RASGRF1: variants seen among roughly 807,000 people sequenced by gnomAD.
The protein encoded by RASGRF1 is Ras protein specific guanine nucleotide releasing factor 1.
RASGRF1 carries 40 observed loss-of-function variants against 138.7 expected under a neutral mutation model. That is an observed-to-expected ratio of 0.29 (90% CI 0.22 to 0.38). The LOEUF is 0.38. Among genes scored for constraint, RASGRF1 ranks in the 10% least tolerant of loss-of-function variants. The pLI, the probability that RASGRF1 is intolerant of heterozygous loss-of-function variation, is 1.00. For synonymous variants in RASGRF1, 614 were observed against 663.2 expected (o/e 0.93, Z 1.14); for missense variants, 1,108 against 1,650.4 (o/e 0.67, Z 5.69).
intron 16 of RASGRF1, 148 bp from the exon 17 acceptor site, chr15:79,000,061 T>C (rs2056487326): frequency 2.6e-6 from 2 of 766,874 alleles, no homozygotes; most frequent in Admixed American, 5.3e-5. Context: ...GGTGCTGGTG[T>C]GTGTGTGTGT....
chr15:78,980,733 G>A (rs943054465), intron 23 of RASGRF1, 34 bp from the exon 24 acceptor site: 1 of 1,500,992 alleles, frequency 6.7e-7, no homozygotes, highest in Admixed American at 1.7e-5. Context: ...CTAACACACA[G>A]CACACGCTGT....
At chr15:79,055,402 C>CAG (rs141262185) in intron 3 of RASGRF1, among the ~76,000 whole-genome samples, 16 of 151,310 alleles carry the variant, frequency 1.1e-4, no homozygotes, top group Non-Finnish European at 1.5e-4. Flanking sequence ...GAGAGAGAAA[C>CAG]AGAGAGAGAG....
intron 23 of RASGRF1, chr15:78,981,005 A>G: frequency 3.9e-6 from 1 of 255,900 alleles, no homozygotes; most frequent in Non-Finnish European, 7.4e-6. Flanking sequence ...GTTTAGAAGG[A>G]CTTAGTGGGT....
At chr15:78,966,080 C>A (rs1028491255) in intron 26 of RASGRF1, among the ~76,000 whole-genome samples, 1 of 152,070 alleles carries the variant, frequency 6.6e-6, no homozygotes, top group African/African-American at 2.4e-5. Context: ...CCATTCTGTA[C>A]CCCCAGTGGC....
At chr15:79,005,747 C>T (rs1313166615) in intron 14 of RASGRF1, 10 of 516,526 alleles carry the variant, frequency 1.9e-5, no homozygotes, top group Non-Finnish European at 2.2e-5. Context: ...CCCTCCCTCC[C>T]TTCCTTCCTT....
intron 3 of RASGRF1, among the ~76,000 whole-genome samples, chr15:79,052,856 G>A (rs774663837): frequency 7.2e-5 from 11 of 152,214 alleles, no homozygotes; most frequent in Non-Finnish European, 1.6e-4. Context: ...AGCAGGGAGG[G>A]TGGCCATGGA....
intron 5 of RASGRF1, among the ~76,000 whole-genome samples, chr15:79,043,270 G>A (rs1000385269): frequency 6.6e-6 from 1 of 152,122 alleles, no homozygotes; most frequent in Non-Finnish European, 1.5e-5. Context: ...TTGCTATTTT[G>A]TATATATGCA....
At chr15:79,019,787 C>T (rs187686471) in intron 11 of RASGRF1, among the ~76,000 whole-genome samples, 23 of 152,314 alleles carry the variant, frequency 1.5e-4, no homozygotes, top group African/African-American at 3.8e-4. Flanking sequence ...CATCACCTGC[C>T]GGGCTGGGAG....
At position 78,999,830 on chromosome 15, in the gene RASGRF1, C is replaced by T. The variant is rs199661393; in HGVS notation, c.2659G>A (p.Ala887Thr). The T allele has an allele frequency of 3.6e-5, 58 of 1,614,006 alleles. No individual in the cohort carries two copies. In the East Asian group the frequency reaches 3.8e-4, roughly 11 times the overall value. ...GCGGTTGCTATGGCAAAGGCAGAGG[C>T]GGCCGACAAGGCACTGCGGTTATTG... ...LDNNRSALSA[A>T]SAFAIATAGA... is the part of the protein sequence containing the mutation. Residue 887 changes from alanine to threonine, a missense_variant, in exon 17 of 27, where the codon GCC (alanine) becomes ACC (threonine). Around this residue, in one of 3 missense-constraint regions of RASGRF1, gnomAD observed 686 missense variants for 976.7 expected, o/e 0.70. Coordinates refer to ENST00000558480, the MANE Select transcript of RASGRF1 (RefSeq NM_001145648.3).
intron 10 of RASGRF1, 52 bp downstream of exon 10, chr15:79,025,262 C>T (rs1264690250): frequency 2.0e-6 from 3 of 1,530,350 alleles, no homozygotes; most frequent in Non-Finnish European, 1.8e-6. Context: ...CAGGACAGCG[C>T]CTGCATGACC....
Position 79,003,839 on chromosome 15 carries a change from A to C in RASGRF1, c.2412T>G (p.Pro804=), listed in dbSNP as rs370108262. The C allele has an allele frequency of 3.1e-6, 5 of 1,611,786 alleles. No individual in the cohort carries two copies. Among genetic ancestry groups the C allele is most frequent in the Middle Eastern group, 3.3e-4 (2 of 6,042 alleles). ...NKIPDEGDTT[P]EKPEDPSALS... ...GCGCTGAAGGGTCTTCGGGCTTCTC[A>C]GGGGTCGTATCGCCCTCATCTGGAA... The change falls in exon 15 of 27, where the codon CCT becomes CCG. Residue 804 remains proline, a synonymous_variant. Transcript: ENST00000558480.
chr15:78,990,000 C>T (rs1388594121), intron 22 of RASGRF1, 189 bp downstream of exon 22: 4 of 615,912 alleles, frequency 6.5e-6, no homozygotes, highest in South Asian at 3.9e-5. Context: ...GTCAGCCCCA[C>T]TTAATAGGAG....
rs1028043476 is a variant in RASGRF1 at position 79,005,530 on chromosome 15, G to A, written c.2075+656C>T. 23 of 985,712 alleles carry A rather than the reference G, an allele frequency of 2.3e-5. No homozygotes were observed. In the African/African-American group the frequency reaches 3.8e-4, roughly 16 times the overall value. The allele number at this position is 985,712 out of a possible 1,614,324, so 61.1% of individuals were successfully genotyped here. The stretch of plus-strand genomic sequence containing the variant: ...GCAGTGAAGTCCATTAGGGGCCTGA[G>A]CCAATCCCTGAACTTGGCCTACTGC... On this transcript the variant is annotated intron_variant, in intron 14 of 26. Coordinates refer to ENST00000558480, the MANE Select transcript of RASGRF1 (RefSeq NM_001145648.3).
intron 3 of RASGRF1, among the ~76,000 whole-genome samples, chr15:79,053,127 T>A (rs1364546868): frequency 6.6e-6 from 1 of 151,964 alleles, no homozygotes; most frequent in Non-Finnish European, 1.5e-5. Context: ...TAGCTGGGTG[T>A]GGTGGCGCAC....
chr15:79,059,289 C>T (rs1392694569), intron 2 of RASGRF1, among the ~76,000 whole-genome samples: 1 of 138,122 alleles, frequency 7.2e-6, no homozygotes, highest in African/African-American at 2.7e-5. Flanking sequence ...CTTCCCTTCC[C>T]TTCCCTATCC....
At position 78,960,976 on chromosome 15, in the gene RASGRF1, A is replaced by C. The variant is rs550993194; in HGVS notation, c.*1168T>G. ...AACATATATTTTTACAAAAATGGAA[A>C]TTTTTTTCCAAACAAGCTGTAAGTT... is the stretch of plus-strand genomic sequence containing the variant. On this transcript the variant is annotated 3_prime_UTR_variant, in exon 27 of 27. Transcript: ENST00000558480. 6.6e-6 allele frequency: 1 copy of C among 152,208 alleles called. No homozygotes were observed. The highest frequency in any genetic ancestry group is 1.5e-5 in the Non-Finnish European group (1 of 68,040). 9.4% of individuals were successfully genotyped at this position (152,208 alleles called of 1,614,324 possible).
At chr15:79,060,591 C>A (rs184354949) in intron 2 of RASGRF1, among the ~76,000 whole-genome samples, 1 of 152,178 alleles carries the variant, frequency 6.6e-6, no homozygotes, top group Non-Finnish European at 1.5e-5. Flanking sequence ...TTGGGTCACA[C>A]GTCTGTCAAA....
In RASGRF1 at chr15:78,990,876, T is replaced by C. The variant is rs545920115; in HGVS notation, c.3132-603A>G. ...ATCAGGAATATCATCTGTTTCTATG[T>C]CCAGGAGATGTGACAGGTTTCCAAA... On this transcript the variant is annotated intron_variant, in intron 21 of 26. Transcript: ENST00000558480. Among the ~76,000 whole-genome samples, 5 of 152,334 alleles carry C rather than the reference T, an allele frequency of 3.3e-5. No homozygotes were observed. In the South Asian group the frequency reaches 1.0e-3, roughly 32 times the overall value.
At chr15:79,013,224 A>G (rs975127118) in intron 13 of RASGRF1, among the ~76,000 whole-genome samples, 1 of 151,972 alleles carries the variant, frequency 6.6e-6, no homozygotes, top group African/African-American at 2.4e-5. Flanking sequence ...TTACATACAA[A>G]GCTGGGGCTG....
Sources: gnomAD v4.1 joint callset for allele counts (sites outside exome capture counted in the v4.1 genomes callset) on GRCh38, gnomAD v4.1.1 for gene constraint, gnomAD v4.1.1 regional missense constraint, MANE v1.5 for transcripts, NCBI Gene and HGNC (gene_info 2026-07-23, HGNC 2026-07-21) for gene names.